Variants in DOCK1 observed in about 807,000 individuals in gnomAD.
DOCK1 encodes the protein dedicator of cytokinesis protein 1.
DOCK1 carries 138 observed loss-of-function variants against 262.7 expected under a neutral mutation model. The ratio of observed to expected loss-of-function variants is 0.53; its 90% CI spans 0.46 to 0.61. The LOEUF (loss-of-function observed/expected upper bound fraction) is 0.61, where lower values mean the gene tolerates loss of function less well. Ranked by LOEUF, DOCK1 falls within the 20% of genes least tolerant of loss-of-function variation. The pLI is 0.00. For synonymous variants in DOCK1, 866 were observed against 867.4 expected (o/e 1.00, Z 0.03); for missense variants, 1,908 against 2,370.7 (o/e 0.80, Z 4.05).
chr10:127,370,067 C>A (rs1322120561), intron 33 of DOCK1, among the ~76,000 whole-genome samples: 4 of 152,116 alleles, frequency 2.6e-5, no homozygotes, highest in Admixed American at 6.6e-5. Context: ...CCCACCTCCC[C>A]CTGCACATGC....
At position 126,949,925 on chromosome 10, in the gene DOCK1, G is replaced by A. The variant is rs1011170044; in HGVS notation, c.47-20777G>A. Among the ~76,000 whole-genome samples the A allele has an allele frequency of 1.2e-4, 18 of 152,086 alleles. No individual in the cohort carries two copies. In the East Asian group the frequency reaches 2.5e-3, roughly 21 times the overall value. ...GTGCTTTTTTAGAGTGTGGAGCCGC[G>A]TGTTATGCAGCATGCAGTGTTGTGG... On this transcript the variant is annotated intron_variant, in intron 1 of 51. Coordinates refer to ENST00000623213, the MANE Select transcript of DOCK1 (RefSeq NM_001290223.2).
Position 127,451,332 on chromosome 10 carries a change from C to T in DOCK1, c.5566C>T (p.His1856Tyr). Reference sequence around the variant, plus strand: ...TCTTCCCCATCCTCATGTTTTTTAGCATCTGCCACCTCCACTGCCCAGCAA... The same window carrying T: ...TCTTCCCCATCCTCATGTTTTTTAGTATCTGCCACCTCCACTGCCCAGCAA... ...TPPPPPPHQR[H>Y]LPPPLPSKTP... Residue 1856 changes from histidine to tyrosine, a missense_variant and splice_region_variant, in exon 52 of 52, where the codon CAT becomes TAT. Transcript: ENST00000623213. 1 of 1,591,576 alleles carries T rather than the reference C, an allele frequency of 6.3e-7. No individual in the cohort carries two copies.
chr10:126,942,800 C>T (rs1366686470), intron 1 of DOCK1, among the ~76,000 whole-genome samples: 5 of 152,174 alleles, frequency 3.3e-5, no homozygotes, highest in East Asian at 1.9e-4. Context: ...TCTGGATGGG[C>T]GTTTATTTGC....
intron 6 of DOCK1, among the ~76,000 whole-genome samples, chr10:126,993,731 A>G (rs774570847): frequency 2.0e-5 from 3 of 152,240 alleles, no homozygotes; most frequent in Admixed American, 6.5e-5. Flanking sequence ...TGACAGGCCC[A>G]GTTGGTCCTC....
In DOCK1 at chr10:127,170,025, C is replaced by A. The variant is rs1018986279; in HGVS notation, c.2847+42261C>A. Among the ~76,000 whole-genome samples the A allele has an allele frequency of 3.3e-5, 5 of 151,878 alleles. No individual in the cohort carries two copies. In the South Asian group the frequency reaches 1.1e-3, roughly 32 times the overall value. On this transcript the variant is annotated intron_variant, in intron 27 of 51. Transcript: ENST00000623213. ...GCTTCTTTTTTTACCACTGTGTGCCCGAGACTTGGGAGAGCTGGCCTCACA... is the reference window on the plus strand; with the variant it reads ...GCTTCTTTTTTTACCACTGTGTGCCAGAGACTTGGGAGAGCTGGCCTCACA...
At chr10:127,201,499 C>A (rs2057457897) in intron 27 of DOCK1, among the ~76,000 whole-genome samples, 1 of 152,198 alleles carries the variant, frequency 6.6e-6, no homozygotes, top group African/African-American at 2.4e-5. Flanking sequence ...ATCGTGAGGA[C>A]TCGTTGAGAT....
At chr10:127,056,051 A>G (rs1372475692) in intron 22 of DOCK1, among the ~76,000 whole-genome samples, 2 of 152,178 alleles carry the variant, frequency 1.3e-5, no homozygotes, top group Non-Finnish European at 2.9e-5. Flanking sequence ...TTGAGGACAC[A>G]AAGTGGTCAC....
intron 26 of DOCK1, among the ~76,000 whole-genome samples, chr10:127,127,040 T>A (rs1349754892): frequency 1.3e-5 from 2 of 152,158 alleles, no homozygotes; most frequent in Non-Finnish European, 2.9e-5. Flanking sequence ...TTCCCTGTTT[T>A]TATTGGAGAA....
intron 25 of DOCK1, among the ~76,000 whole-genome samples, chr10:127,119,369 A>G (rs538014266): frequency 2.6e-5 from 4 of 152,082 alleles, no homozygotes; most frequent in Admixed American, 2.0e-4. Context: ...AATAATTCTG[A>G]CTCCGATGGT....
chr10:127,119,733 G>A (rs1592100509), intron 25 of DOCK1, among the ~76,000 whole-genome samples: 3 of 152,310 alleles, frequency 2.0e-5, no homozygotes, highest in South Asian at 4.1e-4. Context: ...TTTATTTAAT[G>A]TGACCAAACT....
At chr10:126,934,945 T>G (rs909331886) in intron 1 of DOCK1, among the ~76,000 whole-genome samples, 1 of 151,840 alleles carries the variant, frequency 6.6e-6, no homozygotes, top group Non-Finnish European at 1.5e-5. Context: ...CCTGTCTCTA[T>G]TAAAAATACA....
intron 29 of DOCK1, among the ~76,000 whole-genome samples, chr10:127,261,308 TGTGC>T (rs144421966): frequency 0.31 from 33,112 of 108,018 alleles, 6,388 homozygotes; most frequent in East Asian, 0.36. Flanking sequence ...TGTGTGTGTG[TGTGC>T]CTGCATGTGT....
chr10:127,403,380 A>G (rs1370930304), intron 39 of DOCK1, among the ~76,000 whole-genome samples: 2 of 152,234 alleles, frequency 1.3e-5, no homozygotes, highest in South Asian at 2.1e-4. Flanking sequence ...TAAGGCTTCT[A>G]TGAATAAATT....
At chr10:127,190,809 T>G (rs1209056924) in intron 27 of DOCK1, among the ~76,000 whole-genome samples, 1 of 151,568 alleles carries the variant, frequency 6.6e-6, no homozygotes, top group African/African-American at 2.4e-5. Flanking sequence ...CCAGAAGGTT[T>G]TACTCATAGC....
intron 38 of DOCK1, chr10:127,402,759 G>T (rs550613052): frequency 2.3e-5 from 13 of 567,172 alleles, no homozygotes; most frequent in African/African-American, 1.7e-4. Context: ...ACAGCTGGCA[G>T]CAGGAGAGCA....
intron 10 of DOCK1, among the ~76,000 whole-genome samples, chr10:127,003,648 TG>T (rs1313989112): frequency 6.6e-6 from 1 of 152,164 alleles, no homozygotes; most frequent in Non-Finnish European, 1.5e-5. Context: ...CCTGCTCAGC[TG>T]GTGTGTGTCT....
At chr10:126,951,238 ATTG>A (rs1275987916) in intron 1 of DOCK1, among the ~76,000 whole-genome samples, 5,807 of 148,204 alleles carry the variant, frequency 0.039, 165 homozygotes, top group Middle Eastern at 0.12. Context: ...TGGTGGTAGT[ATTG>A]TTGGTAATAT....
chr10:127,255,893 C>T (rs752309926), intron 28 of DOCK1, among the ~76,000 whole-genome samples: 1 of 152,152 alleles, frequency 6.6e-6, no homozygotes, highest in Non-Finnish European at 1.5e-5. Flanking sequence ...AAACTCTTGA[C>T]AAAGTGAGGA....
In DOCK1 at chr10:127,087,920, G is replaced by A. The variant is rs934422127; in HGVS notation, c.2446-18311G>A. On this transcript the variant is annotated intron_variant, in intron 23 of 51. Coordinates refer to ENST00000623213, the MANE Select transcript of DOCK1 (RefSeq NM_001290223.2). ...AATTCTAGACCTTACAAGCTCCACA[G>A]CTGAATTATTTAATTCTCTCTGATG... Among the ~76,000 whole-genome samples, 5 of 152,136 alleles carry A rather than the reference G, an allele frequency of 3.3e-5. No individual in the cohort carries two copies. The East Asian group carries it at 9.6e-4, about 29-fold the overall frequency.
Sources: gnomAD v4.1 joint callset for allele counts (sites outside exome capture counted in the v4.1 genomes callset) on GRCh38, gnomAD v4.1.1 for gene constraint, MANE v1.5 for transcripts, NCBI Gene and HGNC (gene_info 2026-07-23, HGNC 2026-07-21) for gene names.